The following OTOG variants were observed in gnomAD, a reference collection of about 807,000 sequenced individuals.
OTOG encodes otogelin.
In OTOG, 296 loss-of-function variants were observed where a neutral mutation model predicts 313.8. That is an observed-to-expected ratio of 0.94 (90% CI 0.86 to 1.04). OTOG has a LOEUF of 1.04. Ranked by LOEUF, OTOG falls within the 50% of genes least tolerant of loss-of-function variation. The probability of loss-of-function intolerance (pLI) is 0.00; values close to 1 mark genes in which losing one functional copy is unlikely to be tolerated. For synonymous variants in OTOG, 1,533 were observed against 1,554.9 expected, an observed-to-expected ratio of 0.99 and a Z score of 0.33; for missense variants, 3,948 against 3,840.1, an observed-to-expected ratio of 1.03 and a Z score of -0.74.
At chr11:17,621,292 T>C (rs796791103) in intron 39 of OTOG, among the ~76,000 whole-genome samples, 1 of 152,246 alleles carries the variant, frequency 6.6e-6, no homozygotes, top group East Asian at 1.9e-4. Flanking sequence ...CTTTAAGCTT[T>C]GTTAGGTAAA....
chr11:17,568,258 A>G (rs1265080594), intron 15 of OTOG, among the ~76,000 whole-genome samples: 1 of 152,210 alleles, frequency 6.6e-6, no homozygotes, highest in Non-Finnish European at 1.5e-5. Context: ...GTGAATATAT[A>G]TAGAGAGATT....
chr11:17,553,028 G>T, intron 4 of OTOG, 91 bp from the exon 5 acceptor site: 1 of 1,173,110 alleles, frequency 8.5e-7, no homozygotes, highest in Non-Finnish European at 1.2e-6. Flanking sequence ...CTGTTATGGG[G>T]GTCTGGATCC....
chr11:17,612,024 G>C (rs1258830878), intron 36 of OTOG, 138 bp from the exon 37 acceptor site: 12 of 1,042,968 alleles, frequency 1.2e-5, no homozygotes, highest in Middle Eastern at 2.2e-4. Flanking sequence ...TGGTGGGTAG[G>C]GGGTGAGGGC....
At chr11:17,599,123 G>A (rs1345081249) in intron 30 of OTOG, among the ~76,000 whole-genome samples, 1 of 152,214 alleles carries the variant, frequency 6.6e-6, no homozygotes, top group African/African-American at 2.4e-5. Context: ...TGGTGCTGGG[G>A]ATGACCACTA....
intron 39 of OTOG, among the ~76,000 whole-genome samples, chr11:17,622,179 T>A (rs151207461): frequency 5.3e-4 from 81 of 152,320 alleles, no homozygotes; most frequent in Middle Eastern, 3.4e-3. Context: ...CTCTACATAA[T>A]AGTTCATGTG....
At chr11:17,645,532 G>A (rs1297275285) in intron 54 of OTOG, 32 bp from the exon 55 acceptor site, 4 of 1,546,750 alleles carry the variant, frequency 2.6e-6, no homozygotes, top group Admixed American at 2.0e-5. Flanking sequence ...CCTGGTCTTG[G>A]CCACAGCTGC....
intron 36 of OTOG, 143 bp from the exon 37 acceptor site, chr11:17,612,019 G>C: frequency 5.1e-6 from 5 of 989,006 alleles, no homozygotes; most frequent in South Asian, 4.7e-5. Flanking sequence ...GCTTGTGGTG[G>C]GTAGGGGGTG....
intron 47 of OTOG, 110 bp downstream of exon 47, chr11:17,635,821 G>A: frequency 2.2e-6 from 2 of 889,198 alleles, no homozygotes; most frequent in South Asian, 3.0e-5. Flanking sequence ...CCCCCAGGTG[G>A]TGAGCTCTGG....
chr11:17,557,068 G>T (rs1249200232), intron 7 of OTOG, 50 bp from the exon 8 acceptor site: 4 of 1,519,602 alleles, frequency 2.6e-6, no homozygotes, highest in Non-Finnish European at 3.5e-6. Flanking sequence ...AAGAGACTGG[G>T]CTAGTGGAGG....
rs1245528038 is a variant in OTOG, at chr11:17,609,937, C to T, written c.4637C>T (p.Thr1546Met). The T allele has an allele frequency of 2.2e-5, 34 of 1,535,268 alleles. No individual in the cohort carries two copies. The highest frequency in any genetic ancestry group is 1.7e-4 in the Middle Eastern group (1 of 5,924). Residue 1546 changes from threonine to methionine, a missense_variant, in exon 36 of 56, where the codon ACG becomes ATG. Thr to Met is a moderately conservative substitution (Grantham distance 81, BLOSUM62 -1). Transcript: ENST00000399397. ...LTASQLPAGP[T>M]ESPASKGVTA... ...GCATCTCAACTCCCCGCCGGCCCCACGGAGTCCCCAGCCAGCAAGGGAGTG... is the reference window on the plus strand; with the variant it reads ...GCATCTCAACTCCCCGCCGGCCCCATGGAGTCCCCAGCCAGCAAGGGAGTG...
At chr11:17,578,628 G>T (rs1040635393) in intron 23 of OTOG, 102 bp downstream of exon 23, 2 of 1,385,936 alleles carry the variant, frequency 1.4e-6, no homozygotes, top group Admixed American at 2.7e-5. Context: ...GGCCTTGTAG[G>T]AAGGCACTGG....
Position 17,596,148 on chromosome 11 carries a change from C to A in OTOG, c.3519C>A (p.His1173Gln), listed in dbSNP as rs1853098663. 4 of 1,549,308 alleles carry A rather than the reference C, an allele frequency of 2.6e-6. No individual in the cohort carries two copies. In the South Asian group the frequency reaches 3.6e-5, roughly 14 times the overall value. ...ILLSEVFEIC[H>Q]PVVDVTWFYS... is the part of the protein sequence containing the mutation. ...TCAGTGAGGTGTTTGAGATCTGCCA[C>A]CCTGTGGTGAGTGTACCCCAGCCTC... The change falls in exon 29 of 56, where the codon CAC (histidine) becomes CAA (glutamine). Residue 1173 changes from histidine (H) to glutamine (Q), a missense_variant. His to Gln is a conservative substitution (Grantham distance 24). Coordinates refer to ENST00000399397, the MANE Select transcript of OTOG (RefSeq NM_001292063.2).
At chr11:17,635,842 C>A in intron 47 of OTOG, 131 bp downstream of exon 47, 1 of 715,298 alleles carries the variant, frequency 1.4e-6, no homozygotes, top group Non-Finnish European at 2.4e-6. Flanking sequence ...AGGGGCCGAG[C>A]AGCTGAATCC....
At position 17,621,793 on chromosome 11, in the gene OTOG, G is replaced by C. The variant is rs191246160; in HGVS notation, c.6529-7340G>C. Among the ~76,000 whole-genome samples the C allele has an allele frequency of 1.4e-3, 208 of 152,160 alleles. 2 individuals carry two copies. Among genetic ancestry groups the C allele is most frequent in the Non-Finnish European group, 1.8e-3 (119 of 67,982 alleles). On this transcript the variant is annotated intron_variant, in intron 39 of 55. Coordinates refer to ENST00000399397, the MANE Select transcript of OTOG (RefSeq NM_001292063.2). ...CTTGCCTCATTTGTTTCCATTTTTT[G>C]TTTTCAGGGATCACTCTCCTGCATT...
At chr11:17,593,073 C>A (rs1852988622) in intron 25 of OTOG, 120 bp from the exon 26 acceptor site, 2 of 1,054,844 alleles carry the variant, frequency 1.9e-6, no homozygotes, top group Non-Finnish European at 2.7e-6. Flanking sequence ...CACAGCTCAG[C>A]TAACACAAAG....
intron 13 of OTOG, 136 bp from the exon 14 acceptor site, chr11:17,560,955 G>T (rs1852168638): frequency 2.5e-6 from 3 of 1,221,384 alleles, no homozygotes; most frequent in Non-Finnish European, 2.3e-6. Context: ...AGTCTCATTA[G>T]ATCCAATCCA....
chr11:17,558,668 T>C, intron 10 of OTOG, 24 bp downstream of exon 10: 2 of 1,543,242 alleles, frequency 1.3e-6, no homozygotes, highest in Non-Finnish European at 1.7e-6. Flanking sequence ...GTGTGGGCTA[T>C]GGGGAACCCT....
chr11:17,616,449 A>G lies in OTOG; in HGVS notation c.6528+2748A>G, dbSNP rs180734690. 6.6e-5 allele frequency among the ~76,000 whole-genome samples: 10 copies of G among 152,336 alleles called. No individual in the cohort carries two copies. In the East Asian group the frequency reaches 1.9e-3, roughly 29 times the overall value. ...CTTCCTGGAATTTTGAGTTGCATTC[A>G]ATATATAGATTATTTGGGAGAAGAA... is the stretch of plus-strand genomic sequence containing the variant. On this transcript the variant is annotated intron_variant, in intron 39 of 55. Coordinates refer to ENST00000399397, the MANE Select transcript of OTOG (RefSeq NM_001292063.2).
chr11:17,558,695 T>A, intron 10 of OTOG, 51 bp downstream of exon 10: 1 of 1,499,548 alleles, frequency 6.7e-7, no homozygotes, highest in Non-Finnish European at 9.0e-7. Flanking sequence ...TTGGGGTGAG[T>A]GCTCAGCACA....
Sources: allele counts gnomAD v4.1 joint callset (sites outside exome capture counted in the v4.1 genomes callset), GRCh38; gene constraint gnomAD v4.1.1; transcripts MANE v1.5; gene names NCBI Gene and HGNC (gene_info 2026-07-23, HGNC 2026-07-21).